PPP6R2: variants seen among roughly 807,000 people sequenced by gnomAD.
The protein encoded by PPP6R2 is serine/threonine-protein phosphatase 6 regulatory subunit 2.
PPP6R2 carries 62 observed loss-of-function variants against 100.2 expected under a neutral mutation model. The ratio of observed to expected loss-of-function variants is 0.62; its 90% CI spans 0.50 to 0.76. PPP6R2 has a LOEUF of 0.76. Among genes scored for constraint, PPP6R2 ranks in the 30% least tolerant of loss-of-function variants. The pLI, the probability that PPP6R2 is intolerant of heterozygous loss-of-function variation, is 0.00. For synonymous variants in PPP6R2, 525 were observed against 514.7 expected, an observed-to-expected ratio of 1.02 and a Z score of -0.27; for missense variants, 1,142 against 1,276.3, an observed-to-expected ratio of 0.89 and a Z score of 1.60.
At chr22:50,422,126 C>A in intron 8 of PPP6R2, 128 bp from the exon 9 acceptor site, 1 of 1,230,080 alleles carries the variant, frequency 8.1e-7, no homozygotes, top group Non-Finnish European at 1.1e-6. Context: ...GGTAGCTGCA[C>A]TGCTCTAGGG....
chr22:50,340,246 TGTGTGTGG>T (rs2042357390), upstream of PPP6R2, among the ~76,000 whole-genome samples: 4 of 82,718 alleles, frequency 4.8e-5, no homozygotes, highest in African/African-American at 1.8e-4. Flanking sequence ...GTGTGTGTGG[TGTGTGTGG>T]AGGGTGTGTG....
At chr22:50,436,039 G>C (rs1489341959) in intron 13 of PPP6R2, among the ~76,000 whole-genome samples, 1 of 152,180 alleles carries the variant, frequency 6.6e-6, no homozygotes, top group Non-Finnish European at 1.5e-5. Context: ...CGGCTTCTGC[G>C]TTTCTGGGAG....
intron 9 of PPP6R2, among the ~76,000 whole-genome samples, chr22:50,422,978 G>A (rs757391241): frequency 6.6e-6 from 1 of 152,212 alleles, no homozygotes; most frequent in Non-Finnish European, 1.5e-5. Context: ...GCAGTAGGCT[G>A]AGTGTGGGGG....
At chr22:50,332,382 C>T in the PPP6R2 span, among the ~76,000 whole-genome samples, 5 of 151,906 alleles carry the variant, frequency 3.3e-5, no homozygotes, top group Non-Finnish European at 5.9e-5. Context: ...AGGTGCCCAC[C>T]ACCACACCTG....
the PPP6R2 span, among the ~76,000 whole-genome samples, chr22:50,335,252 A>C: frequency 1.6e-5 from 2 of 127,674 alleles, no homozygotes; most frequent in Non-Finnish European, 3.3e-5. Context: ...TTTAGTAGAG[A>C]TGGGTTTTCA....
rs747620268 is a variant in PPP6R2, at chr22:50,439,923, TC to T, written c.2286-33del. 36 of 1,607,540 alleles carry T rather than the reference TC, an allele frequency of 2.2e-5. 1 individual carries two copies. In the Admixed American group the frequency reaches 4.7e-4, roughly 21 times the overall value. On this transcript the variant is annotated intron_variant, in intron 20 of 23. Coordinates refer to ENST00000612753, the MANE Select transcript of PPP6R2 (RefSeq NM_001242898.2). ...GCCTGTCAGGGCCAGGAGGCACCTG[TC>T]CCCCAGGACTGATCCTGTCCTCGTC...
rs751504646 is a variant in PPP6R2 at position 50,436,427 on chromosome 22, C to T, written c.1577C>T (p.Thr526Met). ...TTCGTGGAGGAGACGCTGACGGAGA[C>T]GAACCGCAGGAACACTGTGGACCTG... Reference protein sequence around the residue: ...ESFVEETLTETNRRNTVDLVS... With the variant: ...ESFVEETLTEMNRRNTVDLVS... Residue 526 changes from threonine (T) to methionine (M), a missense_variant, in exon 14 of 24, where the codon ACG becomes ATG. Physicochemically the swap from Thr to Met is moderately conservative, Grantham distance 81. Around this residue, in one of 2 missense-constraint regions of PPP6R2, gnomAD observed 592 missense variants for 758.9 expected, o/e 0.78. Coordinates refer to ENST00000612753, the MANE Select transcript of PPP6R2 (RefSeq NM_001242898.2). 16 of 1,592,912 alleles carry T rather than the reference C, an allele frequency of 1.0e-5. No individual in the cohort carries two copies. The highest frequency in any genetic ancestry group is 1.3e-5 in the Non-Finnish European group (15 of 1,171,306).
At chr22:50,340,491 G>A (rs2042360382), upstream of PPP6R2, among the ~76,000 whole-genome samples, 2 of 142,910 alleles carry the variant, frequency 1.4e-5, no homozygotes, top group Non-Finnish European at 3.1e-5. Context: ...TGTGTGTGGT[G>A]TGTGTAGGGT....
At chr22:50,370,100 A>G (rs565294479) in intron 1 of PPP6R2, among the ~76,000 whole-genome samples, 22 of 151,930 alleles carry the variant, frequency 1.4e-4, no homozygotes, top group Non-Finnish European at 2.6e-4. Flanking sequence ...AGAAAACATA[A>G]TTAACATCTA....
At chr22:50,352,759 AAAC>A (rs1357189156) in intron 1 of PPP6R2, among the ~76,000 whole-genome samples, 5 of 151,504 alleles carry the variant, frequency 3.3e-5, no homozygotes, top group African/African-American at 7.3e-5. Context: ...AAAACACACA[AAAC>A]AACAACAACG....
chr22:50,444,493 G>T lies in PPP6R2; in HGVS notation c.*246G>T. On this transcript the variant is annotated 3_prime_UTR_variant, in exon 24 of 24. Coordinates refer to ENST00000612753, the MANE Select transcript of PPP6R2 (RefSeq NM_001242898.2). ...GGCACCTCAGCCGCCCCCAAGCCCA[G>T]AGCACAGCAATAAGGTCGGCCTGCA... 3.1e-6 allele frequency: 1 copy of T among 321,010 alleles called. No homozygotes were observed. Among genetic ancestry groups the T allele is most frequent in the Non-Finnish European group, 5.6e-6 (1 of 177,050 alleles). The allele number at this position is 321,010 out of a possible 1,614,324, so 19.9% of individuals were successfully genotyped here. A position where few individuals can be genotyped will look rare whatever the true frequency, so the allele number is the denominator to read the frequency against.
intron 2 of PPP6R2, among the ~76,000 whole-genome samples, chr22:50,372,429 A>G (rs1234633834): frequency 6.6e-6 from 1 of 151,932 alleles, no homozygotes; most frequent in Non-Finnish European, 1.5e-5. Context: ...TGTACCTGTA[A>G]TCCCAGCTAC....
chr22:50,431,490 G>A lies in PPP6R2; in HGVS notation c.1335+108G>A. The A allele has an allele frequency of 3.0e-6, 3 of 1,004,596 alleles. No individual in the cohort carries two copies. The highest frequency in any genetic ancestry group is 2.9e-6 in the Non-Finnish European group (2 of 689,238). The allele number at this position is 1,004,596 out of a possible 1,614,324, so 62.2% of individuals were successfully genotyped here. On this transcript the variant is annotated intron_variant, in intron 11 of 23. Coordinates refer to ENST00000612753, the MANE Select transcript of PPP6R2 (RefSeq NM_001242898.2). The surrounding 1 kb of genome is among the most constrained non-coding windows in gnomAD (Gnocchi z 4.8). ...ACCTCACTGTGCAGCTGACACGGGG[G>A]CAGGGCTTTGAAAAGGGTCCCCAGG...
chr22:50,418,751 G>A (rs1275505527), intron 6 of PPP6R2, 116 bp from the exon 7 acceptor site: 2 of 774,530 alleles, frequency 2.6e-6, no homozygotes, highest in East Asian at 5.0e-5. Flanking sequence ...GAACAACAAC[G>A]AAAGTCTAGC....
At chr22:50,429,358 T>G (rs1389928457) in intron 10 of PPP6R2, among the ~76,000 whole-genome samples, 2 of 152,182 alleles carry the variant, frequency 1.3e-5, no homozygotes, top group East Asian at 3.8e-4. Flanking sequence ...AGATTTTTTT[T>G]GTATGAGTTG....
intron 15 of PPP6R2, 40 bp from the exon 16 acceptor site, chr22:50,437,466 C>A: frequency 7.4e-7 from 1 of 1,358,930 alleles, no homozygotes; most frequent in Non-Finnish European, 1.0e-6. Flanking sequence ...TCCTCCATGA[C>A]CGGTGTCTGT....
chr22:50,436,887 T>C, intron 14 of PPP6R2, 101 bp from the exon 15 acceptor site: 2 of 925,366 alleles, frequency 2.2e-6, no homozygotes, highest in East Asian at 2.6e-5. Flanking sequence ...CTGGGTGGGG[T>C]CTGGGAGCCC....
In PPP6R2 at chr22:50,444,582, G is replaced by T; in HGVS notation, c.*335G>T. 1 of 323,202 alleles carries T rather than the reference G, an allele frequency of 3.1e-6. No individual in the cohort carries two copies. The allele number at this position is 323,202 out of a possible 1,614,324, so 20.0% of individuals were successfully genotyped here. ...CTGAGATGCCACCAGGACCTGATGG[G>T]CCAGGAAGGGCGTGGACATGGAGGC... On this transcript the variant is annotated 3_prime_UTR_variant, in exon 24 of 24. Coordinates refer to ENST00000612753, the MANE Select transcript of PPP6R2 (RefSeq NM_001242898.2).
intron 1 of PPP6R2, among the ~76,000 whole-genome samples, chr22:50,352,317 G>A (rs2045478667): frequency 6.6e-6 from 1 of 152,182 alleles, no homozygotes. Flanking sequence ...ACCTCCGCTA[G>A]CTTCCAGTTT....
Sources: gnomAD v4.1 joint callset for allele counts (sites outside exome capture counted in the v4.1 genomes callset) on GRCh38, gnomAD v4.1.1 for gene constraint, gnomAD v4.1.1 regional missense constraint, Gnocchi (gnomAD v3.1) non-coding constraint, MANE v1.5 for transcripts, NCBI Gene and HGNC (gene_info 2026-07-23, HGNC 2026-07-21) for gene names.